LMF1: variants seen among roughly 807,000 people sequenced by gnomAD.
LMF1 encodes transmembrane protein 112.
LMF1 carries 68 observed loss-of-function variants against 60.6 expected under a neutral mutation model. The observed-to-expected ratio is 1.12, with a 90% CI of 0.92 to 1.37. LMF1 has a LOEUF of 1.37. LMF1 is among the 40% of genes most tolerant of loss of function. The probability of loss-of-function intolerance (pLI) is 0.00; values close to 1 mark genes in which losing one functional copy is unlikely to be tolerated. For missense variants in LMF1, 948 were observed against 767.2 expected (o/e 1.24, Z -2.78); for synonymous variants, 418 against 324.7 (o/e 1.29, Z -3.09).
rs577285766 is a variant in LMF1 at position 887,932 on chromosome 16, G to A, written c.729+5075C>T. On this transcript the variant is annotated intron_variant, in intron 5 of 10. Transcript: ENST00000262301. The stretch of plus-strand genomic sequence containing the variant: ...GGGACACCCTTGCTCCAGGAGCGTA[G>A]GTGGCCCCAGGCAGATCCAGGGGAC... Among the ~76,000 whole-genome samples, 9 of 152,344 alleles carry A rather than the reference G, an allele frequency of 5.9e-5. No homozygotes were observed. In the South Asian group the frequency reaches 1.2e-3, roughly 21 times the overall value.
chr16:908,665 GCCCAGAGGTCAC>G (rs1340804222), intron 4 of LMF1, among the ~76,000 whole-genome samples: 1 of 152,246 alleles, frequency 6.6e-6, no homozygotes, highest in African/African-American at 2.4e-5. Flanking sequence ...GAGCTCACCA[GCCCAGAGGTCAC>G]CAGGCTGCAG....
chr16:948,707 GACA>G (rs1342638340), intron 2 of LMF1, among the ~76,000 whole-genome samples: 2 of 118,202 alleles, frequency 1.7e-5, no homozygotes, highest in African/African-American at 3.3e-5. Flanking sequence ...CAGAATCAGA[GACA>G]ACGACAGAGT....
At chr16:952,050 C>T (rs1292645002) in intron 2 of LMF1, among the ~76,000 whole-genome samples, 1 of 152,196 alleles carries the variant, frequency 6.6e-6, no homozygotes, top group Admixed American at 6.5e-5. Flanking sequence ...ATGGGCGCCT[C>T]GGCAAAGTCA....
intron 4 of LMF1, among the ~76,000 whole-genome samples, chr16:895,155 C>G (rs1383402825): frequency 6.6e-6 from 1 of 152,122 alleles, no homozygotes; most frequent in Non-Finnish European, 1.5e-5. Flanking sequence ...GCGGGGGGTG[C>G]GGCCTGAGGC....
chr16:861,760 G>T (rs1208362305), intron 10 of LMF1, among the ~76,000 whole-genome samples: 1 of 152,152 alleles, frequency 6.6e-6, no homozygotes, highest in East Asian at 1.9e-4. Context: ...CTTTGTGATC[G>T]ACACGCCTTT....
chr16:869,019 C>T lies in LMF1; in HGVS notation c.1454G>A (p.Gly485Asp). ...EHNDWIIHLA[G>D]KLLASDAEAL... is the part of the protein sequence containing the mutation. ...CTCGGCGTCGCTGGCCAGGAGCTTG[C>T]CAGCCAGGTGGATGATCCAGTCGTT... The change falls in exon 10 of 11, where the codon GGC (glycine) becomes GAC (aspartate). Residue 485 changes from glycine (G) to aspartate (D), a missense_variant. Coordinates refer to ENST00000262301, the MANE Select transcript of LMF1 (RefSeq NM_022773.4). 2 of 1,612,590 alleles carry T rather than the reference C, an allele frequency of 1.2e-6. No individual in the cohort carries two copies. The highest frequency in any genetic ancestry group is 8.5e-7 in the Non-Finnish European group (1 of 1,179,672).
intron 6 of LMF1, among the ~76,000 whole-genome samples, chr16:875,030 G>A (rs904334279): frequency 6.6e-6 from 1 of 152,172 alleles, no homozygotes; most frequent in Admixed American, 6.5e-5. Flanking sequence ...TTCCAAGGGG[G>A]GACGCCAGGC....
chr16:917,297 G>C lies in LMF1; in HGVS notation c.515-6218C>G, dbSNP rs190536115. ...AAGAAATGCCACACGTGTGCACTGC[G>C]GGCGGGCACAGGCCCACGTGAAGAA... On this transcript the variant is annotated intron_variant, in intron 3 of 10. Transcript: ENST00000262301. Among the ~76,000 whole-genome samples, 775 of 108,074 alleles carry C rather than the reference G, an allele frequency of 7.2e-3. 25 individuals are homozygous for C. Among genetic ancestry groups the C allele is most frequent in the African/African-American group, 0.034 (746 of 21,766 alleles). 70.9% of individuals were successfully genotyped at this position (108,074 alleles called of 152,430 possible).
At chr16:954,755 G>C (rs999810103) in intron 1 of LMF1, 89 bp from the exon 2 acceptor site, 1 of 1,244,988 alleles carries the variant, frequency 8.0e-7, no homozygotes, top group Admixed American at 2.4e-5. Flanking sequence ...GGGCGAGGCA[G>C]GCGGGAAGGG....
chr16:860,074 G>A (rs1206542853), intron 10 of LMF1, among the ~76,000 whole-genome samples: 2 of 145,456 alleles, frequency 1.4e-5, no homozygotes, highest in East Asian at 1.9e-4. Context: ...ACGTCTCTGT[G>A]CTCATTTTCT....
intron 1 of LMF1, chr16:979,665 C>T (rs1211676608): frequency 2.2e-6 from 1 of 454,130 alleles, no homozygotes; most frequent in South Asian, 1.6e-5. Context: ...ACCCTGCCTG[C>T]TCGCAGACCT....
intron 1 of LMF1, among the ~76,000 whole-genome samples, chr16:955,251 TAC>T (rs373602941): frequency 2.2e-5 from 1 of 44,648 alleles, no homozygotes; most frequent in Non-Finnish European, 3.9e-5. Context: ...GGTGTGTGCA[TAC>T]ACACACACAC....
At chr16:895,499 G>A (rs1000780252) in intron 4 of LMF1, among the ~76,000 whole-genome samples, 17 of 152,180 alleles carry the variant, frequency 1.1e-4, no homozygotes, top group Non-Finnish European at 1.6e-4. Flanking sequence ...GGGAGCCGCC[G>A]GGTTCTCTGG....
chr16:860,025 C>T (rs948491525), intron 10 of LMF1, among the ~76,000 whole-genome samples: 4 of 151,512 alleles, frequency 2.6e-5, no homozygotes, highest in African/African-American at 7.3e-5. Context: ...AGGCATTTCT[C>T]CTGAGCTTAT....
At chr16:965,136 C>A (rs772627308) in intron 1 of LMF1, among the ~76,000 whole-genome samples, 1 of 152,262 alleles carries the variant, frequency 6.6e-6, no homozygotes, top group Admixed American at 6.5e-5. Flanking sequence ...GCAGTCCAGG[C>A]TGTCCCCGTC....
chr16:976,399 T>C (rs1465886058), intron 1 of LMF1: 3 of 453,990 alleles, frequency 6.6e-6, no homozygotes, highest in African/African-American at 2.0e-5. Context: ...GGCACAGCTG[T>C]ACTGCAGGGT....
Position 871,261 on chromosome 16 carries a change from G to T in LMF1, c.978C>A (p.Ala326=), listed in dbSNP as rs745901180. ...MVPSLACFDD[A]TLGFLFPSGP... The stretch of plus-strand genomic sequence containing the variant: ...CAGAGGGGAACAAGAATCCCAGGGT[G>T]GCGTCATCAAAGCAGGCCAGGCTGG... The change falls in exon 7 of 11, where the codon GCC becomes GCA. Residue 326 remains alanine, a synonymous_variant. Transcript: ENST00000262301. 1 of 1,612,536 alleles carries T rather than the reference G, an allele frequency of 6.2e-7. No homozygotes were observed. Among genetic ancestry groups the T allele is most frequent in the Admixed American group, 1.7e-5 (1 of 60,010 alleles).
At chr16:862,075 C>T (rs887650344) in intron 10 of LMF1, among the ~76,000 whole-genome samples, 9 of 150,662 alleles carry the variant, frequency 6.0e-5, no homozygotes, top group Non-Finnish European at 1.0e-4. Flanking sequence ...TGGATCTCAT[C>T]GACTGATTCT....
chr16:870,094 C>T, intron 8 of LMF1, 28 bp from the exon 9 acceptor site: 1 of 1,595,336 alleles, frequency 6.3e-7, no homozygotes, highest in African/African-American at 1.3e-5. Context: ...CAGGCCAGGC[C>T]CACGTCACAC....
Sources: gnomAD v4.1 joint callset for allele counts (sites outside exome capture counted in the v4.1 genomes callset) on GRCh38, gnomAD v4.1.1 for gene constraint, MANE v1.5 for transcripts, NCBI Gene and HGNC (gene_info 2026-07-23, HGNC 2026-07-21) for gene names.